Variants in RHOBTB1 observed in about 807,000 individuals in gnomAD.
The protein encoded by RHOBTB1 is rho-related BTB domain-containing protein 1.
In RHOBTB1, 40 loss-of-function variants were observed where a neutral mutation model predicts 71.6. The observed-to-expected ratio is 0.56, with a 90% CI of 0.43 to 0.73. The LOEUF (loss-of-function observed/expected upper bound fraction) is 0.73. RHOBTB1 is among the 30% of genes least tolerant of loss of function. The pLI is 0.00. For synonymous variants in RHOBTB1, 319 were observed against 334.9 expected (o/e 0.95, Z 0.52); for missense variants, 797 against 894.0 (o/e 0.89, Z 1.38).
chr10:60,906,699 C>G (rs1419183917), intron 4 of RHOBTB1, among the ~76,000 whole-genome samples: 1 of 152,092 alleles, frequency 6.6e-6, no homozygotes, highest in Non-Finnish European at 1.5e-5. Flanking sequence ...CCTGGGGCAC[C>G]CTGATTAAAC....
chr10:60,887,870 G>A (rs939046625), intron 6 of RHOBTB1, among the ~76,000 whole-genome samples: 4 of 152,274 alleles, frequency 2.6e-5, no homozygotes, highest in Admixed American at 2.6e-4. Context: ...CACTCTTGAG[G>A]AGCAGTGTGG....
chr10:60,897,423 T>C (rs188861951), intron 4 of RHOBTB1, among the ~76,000 whole-genome samples: 42 of 152,364 alleles, frequency 2.8e-4, no homozygotes, highest in African/African-American at 8.4e-4. Context: ...TTTCCTTTTC[T>C]AGTATCATTT....
chr10:60,932,548 C>G (rs1367313036), intron 2 of RHOBTB1, among the ~76,000 whole-genome samples: 1 of 141,932 alleles, frequency 7.0e-6, no homozygotes, highest in Non-Finnish European at 1.5e-5. Context: ...AAACAAGAAA[C>G]CCTACACATG....
intron 2 of RHOBTB1, among the ~76,000 whole-genome samples, chr10:60,941,436 T>C (rs1321429567): frequency 6.6e-6 from 1 of 152,098 alleles, no homozygotes; most frequent in African/African-American, 2.4e-5. Flanking sequence ...AAGTCAATTA[T>C]TACTATATCA....
intron 5 of RHOBTB1, among the ~76,000 whole-genome samples, chr10:60,891,951 G>A (rs1017944164): frequency 6.6e-6 from 1 of 152,098 alleles, no homozygotes; most frequent in African/African-American, 2.4e-5. Flanking sequence ...AGATCTGGTG[G>A]TTTTATAAAG....
intron 2 of RHOBTB1, among the ~76,000 whole-genome samples, chr10:60,963,289 T>C (rs1248768660): frequency 1.3e-5 from 2 of 152,164 alleles, no homozygotes; most frequent in Admixed American, 1.3e-4. Context: ...TCTTTTTCTT[T>C]GCATACTTGA....
chr10:60,978,397 G>GA (rs2086384178), intron 2 of RHOBTB1, among the ~76,000 whole-genome samples: 1 of 152,124 alleles, frequency 6.6e-6, no homozygotes. Flanking sequence ...GTTACAAAGG[G>GA]AACATGGGTT....
intron 4 of RHOBTB1, among the ~76,000 whole-genome samples, chr10:60,894,172 A>C (rs1022723200): frequency 1.3e-5 from 2 of 152,204 alleles, no homozygotes; most frequent in South Asian, 4.1e-4. Flanking sequence ...GGCAACCATA[A>C]AATTTCTAAA....
chr10:60,951,349 A>T (rs1279402550), intron 2 of RHOBTB1, among the ~76,000 whole-genome samples: 1 of 152,184 alleles, frequency 6.6e-6, no homozygotes, highest in Admixed American at 6.5e-5. Flanking sequence ...CCTAATCTAA[A>T]AGCAAAGATG....
At chr10:60,953,067 CA>C (rs1228160985) in intron 2 of RHOBTB1, among the ~76,000 whole-genome samples, 8 of 152,188 alleles carry the variant, frequency 5.3e-5, no homozygotes, top group African/African-American at 1.9e-4. Context: ...CTTGTGCCAG[CA>C]AGGTCAGGTT....
intron 1 of RHOBTB1, among the ~76,000 whole-genome samples, chr10:60,995,938 C>A (rs762090844): frequency 7.2e-5 from 11 of 152,124 alleles, no homozygotes; most frequent in Non-Finnish European, 1.5e-4. Context: ...TATTTATGCA[C>A]CATTAATTGA....
chr10:60,874,323 C>A (rs907998882), intron 9 of RHOBTB1, among the ~76,000 whole-genome samples: 4 of 152,230 alleles, frequency 2.6e-5, no homozygotes, highest in African/African-American at 9.6e-5. Flanking sequence ...CTTGAACATT[C>A]TCTCCCACTT....
intron 2 of RHOBTB1, among the ~76,000 whole-genome samples, chr10:60,950,399 G>A (rs536842688): frequency 1.3e-5 from 2 of 152,286 alleles, no homozygotes; most frequent in African/African-American, 4.8e-5. Context: ...ACATTTATGT[G>A]TCACAGCACA....
In RHOBTB1 at chr10:60,911,459, C is replaced by T. The variant is rs749006790; in HGVS notation, c.84G>A (p.Thr28=). Residue 28 remains threonine, a synonymous_variant, in exon 3 of 11, where the codon ACG becomes ACA. Coordinates refer to ENST00000337910, the MANE Select transcript of RHOBTB1 (RefSeq NM_014836.5). ...TGCACGCCCTGGCACAGATCAAGCG[C>T]GTCTTCCCCACGGCATTGTCACCCA... The part of the protein sequence containing the change: ...VVVGDNAVGK[T]RLICARACNT... 61 of 1,614,074 alleles carry T rather than the reference C, an allele frequency of 3.8e-5. No individual in the cohort carries two copies. In the East Asian group the frequency reaches 4.9e-4, roughly 13 times the overall value.
chr10:60,932,484 ATG>A (rs2084313164), intron 2 of RHOBTB1, among the ~76,000 whole-genome samples: 2 of 135,772 alleles, frequency 1.5e-5, no homozygotes, highest in South Asian at 5.0e-4. Flanking sequence ...ACATTTCTCT[ATG>A]TGTTATACTT....
chr10:60,906,334 T>C (rs2082674688), intron 4 of RHOBTB1, among the ~76,000 whole-genome samples: 1 of 152,214 alleles, frequency 6.6e-6, no homozygotes, highest in South Asian at 2.1e-4. Flanking sequence ...TTATTTGTTG[T>C]GGAATAAAGA....
intron 4 of RHOBTB1, among the ~76,000 whole-genome samples, chr10:60,898,923 G>C (rs1297888929): frequency 3.3e-5 from 5 of 152,066 alleles, no homozygotes; most frequent in East Asian, 1.9e-4. Flanking sequence ...CAAACCCTAA[G>C]GTAGATAATA....
intron 2 of RHOBTB1, among the ~76,000 whole-genome samples, chr10:60,913,940 C>T (rs1200008341): frequency 6.6e-6 from 1 of 152,000 alleles, no homozygotes; most frequent in African/African-American, 2.4e-5. Flanking sequence ...TCCTCAGTGC[C>T]GTAACTGACA....
At chr10:60,980,923 G>A (rs2086474785) in intron 2 of RHOBTB1, among the ~76,000 whole-genome samples, 1 of 152,090 alleles carries the variant, frequency 6.6e-6, no homozygotes, top group South Asian at 2.1e-4. Context: ...CATTCACCTG[G>A]GGAAATTTGT....
Sources: allele counts gnomAD v4.1 joint callset (sites outside exome capture counted in the v4.1 genomes callset), GRCh38; gene constraint gnomAD v4.1.1; transcripts MANE v1.5; gene names NCBI Gene and HGNC (gene_info 2026-07-23, HGNC 2026-07-21).